SNX2: variants seen among roughly 807,000 people sequenced by gnomAD.
SNX2 encodes the protein sorting nexin 2, also known as sorting nexin-2.
A neutral mutation model predicts 69.9 loss-of-function variants in SNX2; 25 were observed. The observed-to-expected ratio is 0.36, with a 90% CI of 0.26 to 0.50. SNX2 has a LOEUF of 0.50. Ranked by LOEUF, SNX2 falls within the 20% of genes least tolerant of loss-of-function variation. The pLI, the probability that SNX2 is intolerant of heterozygous loss-of-function variation, is 0.97. For synonymous variants in SNX2, 229 were observed against 200.4 expected, an observed-to-expected ratio of 1.14 and a Z score of -1.20; for missense variants, 551 against 613.3, an observed-to-expected ratio of 0.90 and a Z score of 1.07.
intron 2 of SNX2, among the ~76,000 whole-genome samples, chr5:122,795,744 G>A (rs1294147044): frequency 1.3e-5 from 2 of 152,048 alleles, no homozygotes; most frequent in Non-Finnish European, 2.9e-5. Flanking sequence ...ATTAAACTAT[G>A]GATTTAAAAA....
chr5:122,806,791 T>C (rs1023443455), intron 6 of SNX2, among the ~76,000 whole-genome samples: 2 of 152,086 alleles, frequency 1.3e-5, no homozygotes, highest in Non-Finnish European at 2.9e-5. Flanking sequence ...TCAGAGGTAG[T>C]TGTAGTTTTA....
intron 1 of SNX2, among the ~76,000 whole-genome samples, chr5:122,787,984 T>C (rs137967241): frequency 3.9e-5 from 6 of 152,352 alleles, no homozygotes; most frequent in African/African-American, 1.4e-4. Context: ...ATTTACCATT[T>C]TTGTTGCTTT....
chr5:122,783,573 C>T (rs948582620), intron 1 of SNX2, among the ~76,000 whole-genome samples: 2 of 151,974 alleles, frequency 1.3e-5, no homozygotes, highest in Admixed American at 6.6e-5. Context: ...ATTGGGCTGT[C>T]TTTTTCAGAA....
intron 7 of SNX2, among the ~76,000 whole-genome samples, chr5:122,814,351 A>G (rs1015144715): frequency 6.6e-6 from 1 of 152,226 alleles, no homozygotes; most frequent in Non-Finnish European, 1.5e-5. Context: ...TTTTGGCTTC[A>G]TAATATAGGT....
chr5:122,823,782 G>GTGTA (rs1255292615), intron 11 of SNX2, among the ~76,000 whole-genome samples: 17 of 21,658 alleles, frequency 7.8e-4, no homozygotes, highest in South Asian at 1.0e-3. Flanking sequence ...ATGTGGTCGT[G>GTGTA]TGTGTGTGTG....
chr5:122,825,866 T>G (rs1458130966), intron 11 of SNX2, among the ~76,000 whole-genome samples, 184 bp from the exon 12 acceptor site: 1 of 152,104 alleles, frequency 6.6e-6, no homozygotes, highest in Non-Finnish European at 1.5e-5. Context: ...GTTTTTTTGT[T>G]TTAAGCAAAT....
intron 5 of SNX2, among the ~76,000 whole-genome samples, chr5:122,803,161 T>C (rs2150008867): frequency 6.6e-6 from 1 of 152,278 alleles, no homozygotes; most frequent in Non-Finnish European, 1.5e-5. Context: ...GGTATTTGGA[T>C]ATATTGGACT....
chr5:122,822,460 G>T (rs1032782993), intron 11 of SNX2, among the ~76,000 whole-genome samples: 5 of 152,110 alleles, frequency 3.3e-5, no homozygotes, highest in African/African-American at 1.2e-4. Context: ...TTTCGAATAG[G>T]TGCTTAATAT....
At chr5:122,810,545 G>A (rs1386666429) in intron 7 of SNX2, among the ~76,000 whole-genome samples, 1 of 152,052 alleles carries the variant, frequency 6.6e-6, no homozygotes, top group Non-Finnish European at 1.5e-5. Flanking sequence ...ATTTCAGATG[G>A]CATGCTTGAT....
At position 122,830,550 on chromosome 5, in the gene SNX2, G is replaced by A. The variant is rs933559952; in HGVS notation, c.*902G>A. Among the ~76,000 whole-genome samples the A allele has an allele frequency of 1.3e-5, 2 of 151,826 alleles. No individual in the cohort carries two copies. The highest frequency in any genetic ancestry group is 4.8e-5 in the African/African-American group (2 of 41,304). The stretch of plus-strand genomic sequence containing the variant: ...AAGTATATCATCTGTGCTCACAGTT[G>A]ACAAGGAATGGTACCATGTTAAAAT... On this transcript the variant is annotated 3_prime_UTR_variant, in exon 15 of 15. Transcript: ENST00000379516.
intron 11 of SNX2, among the ~76,000 whole-genome samples, chr5:122,819,544 G>T (rs769422059): frequency 5.3e-5 from 8 of 152,170 alleles, no homozygotes; most frequent in Non-Finnish European, 8.8e-5. Context: ...TTATTGAATG[G>T]TAATACTTAT....
intron 1 of SNX2, among the ~76,000 whole-genome samples, chr5:122,790,629 A>G (rs12655985): frequency 0.2 from 30,968 of 152,164 alleles, 3,583 homozygotes; most frequent in East Asian, 0.46. Context: ...GAAGATAGTA[A>G]GACAGTTCAC....
chr5:122,831,567 T>G lies in SNX2; in HGVS notation c.*1919T>G, dbSNP rs182147620. On this transcript the variant is annotated 3_prime_UTR_variant, in exon 15 of 15. Coordinates refer to ENST00000379516, the MANE Select transcript of SNX2 (RefSeq NM_003100.4). ...TAAAAAGAAACTGAAGCAGAAATAG[T>G]ACAATCATCTTTTGTTGCTTCTGGG... 3.0e-4 allele frequency among the ~76,000 whole-genome samples: 45 copies of G among 152,352 alleles called. 1 individual carries two copies. The highest frequency in any genetic ancestry group is 1.4e-3 in the Admixed American group (22 of 15,304).
At chr5:122,782,039 C>A (rs1303805592) in intron 1 of SNX2, among the ~76,000 whole-genome samples, 1 of 152,150 alleles carries the variant, frequency 6.6e-6, no homozygotes, top group Non-Finnish European at 1.5e-5. Flanking sequence ...AAATCTGGAT[C>A]TTCTCCTCTG....
chr5:122,775,589 C>T (rs756016503), intron 1 of SNX2: 9 of 993,540 alleles, frequency 9.1e-6, no homozygotes, highest in African/African-American at 1.7e-5. Context: ...TGAAGGGGTG[C>T]TCGCTTTTCC....
At chr5:122,810,509 T>C (rs1361804419) in intron 7 of SNX2, among the ~76,000 whole-genome samples, 1 of 152,146 alleles carries the variant, frequency 6.6e-6, no homozygotes, top group South Asian at 2.1e-4. Flanking sequence ...TTTCAAGTCT[T>C]ATTTTTCTAT....
In SNX2 at chr5:122,834,541, A is replaced by G. The variant is rs755533655; in HGVS notation, c.*4893A>G. The stretch of plus-strand genomic sequence containing the variant: ...AAACTAAGTCAGACAAAATTTAACA[A>G]AACTAAATTGCCTTCTTACTGCTTC... On this transcript the variant is annotated 3_prime_UTR_variant, in exon 15 of 15. Transcript: ENST00000379516. 1.1e-4 allele frequency: 17 copies of G among 152,214 alleles called. No individual in the cohort carries two copies. The highest frequency in any genetic ancestry group is 2.4e-4 in the Non-Finnish European group (16 of 68,034). The allele number at this position is 152,214 out of a possible 1,614,324, so 9.4% of individuals were successfully genotyped here.
chr5:122,804,097 C>T (rs1333580661), intron 6 of SNX2, among the ~76,000 whole-genome samples: 1 of 151,778 alleles, frequency 6.6e-6, no homozygotes, highest in Non-Finnish European at 1.5e-5. Flanking sequence ...TGAGATCACG[C>T]CTGGGCAACA....
At chr5:122,801,469 G>A (rs1024625717) in intron 3 of SNX2, among the ~76,000 whole-genome samples, 6 of 152,002 alleles carry the variant, frequency 3.9e-5, no homozygotes, top group Non-Finnish European at 7.4e-5. Flanking sequence ...CCTGGGTGTG[G>A]TGGCAGACAC....
Sources: gnomAD v4.1 joint callset for allele counts (sites outside exome capture counted in the v4.1 genomes callset) on GRCh38, gnomAD v4.1.1 for gene constraint, MANE v1.5 for transcripts, NCBI Gene and HGNC (gene_info 2026-07-23, HGNC 2026-07-21) for gene names.